The following CADM2 variants were observed in gnomAD, a reference collection of about 807,000 sequenced individuals.
The protein encoded by CADM2 is cell adhesion molecule 2.
Under a neutral mutation model 49.8 loss-of-function variants are expected in CADM2, and 12 were observed. The ratio of observed to expected loss-of-function variants is 0.24; its 90% CI spans 0.15 to 0.39. CADM2 has a LOEUF of 0.39. CADM2 is among the 10% of genes least tolerant of loss of function. CADM2 has a pLI of 1.00. For synonymous variants in CADM2, 214 were observed against 175.4 expected, an observed-to-expected ratio of 1.22 and a Z score of -1.74; for missense variants, 378 against 492.3, an observed-to-expected ratio of 0.77 and a Z score of 2.20.
intron 1 of CADM2, among the ~76,000 whole-genome samples, chr3:85,473,711 T>C (rs2038862498): frequency 6.6e-6 from 1 of 152,104 alleles, no homozygotes; most frequent in Non-Finnish European, 1.5e-5. Context: ...TGAAGAACTT[T>C]GTGTTATAAT....
intron 1 of CADM2, among the ~76,000 whole-genome samples, chr3:85,001,858 CCTT>C (rs1386003678): frequency 3.3e-5 from 5 of 151,928 alleles, no homozygotes; most frequent in South Asian, 2.1e-4. Context: ...TAATCCCACT[CCTT>C]CTTCAGCGAA....
chr3:85,685,110 G>A (rs1295055864), intron 1 of CADM2, among the ~76,000 whole-genome samples: 1 of 152,088 alleles, frequency 6.6e-6, no homozygotes, highest in Non-Finnish European at 1.5e-5. Flanking sequence ...AAATTATCCG[G>A]GCTTGGTGGT....
intron 1 of CADM2, among the ~76,000 whole-genome samples, chr3:85,265,386 G>C (rs72917191): frequency 0.066 from 10,070 of 151,894 alleles, 1,099 homozygotes; most frequent in African/African-American, 0.23. Context: ...TTTGGCTTAT[G>C]GTTCTAGAGG....
intron 1 of CADM2, among the ~76,000 whole-genome samples, chr3:85,535,088 T>C (rs2061396711): frequency 6.6e-6 from 1 of 152,208 alleles, no homozygotes; most frequent in South Asian, 2.1e-4. Context: ...TAATTTGAGT[T>C]CATTTTGTAT....
chr3:85,469,785 C>G (rs57016540), intron 1 of CADM2, among the ~76,000 whole-genome samples: 30,211 of 152,098 alleles, frequency 0.2, 3,803 homozygotes, highest in East Asian at 0.3. Flanking sequence ...ATGTTAACTC[C>G]AAGTGTTAAC....
At chr3:85,500,182 A>G (rs1318514371) in intron 1 of CADM2, among the ~76,000 whole-genome samples, 2 of 152,168 alleles carry the variant, frequency 1.3e-5, no homozygotes, top group Non-Finnish European at 2.9e-5. Context: ...ATTCTGTGAA[A>G]GGTTTGGTGA....
intron 1 of CADM2, among the ~76,000 whole-genome samples, chr3:85,297,985 A>T (rs1226743308): frequency 7.2e-5 from 11 of 152,054 alleles, no homozygotes; most frequent in African/African-American, 2.2e-4. Flanking sequence ...TTCATAAAAG[A>T]TGAAGGTGGG....
chr3:85,316,442 A>T (rs183641130), intron 1 of CADM2, among the ~76,000 whole-genome samples: 1 of 152,272 alleles, frequency 6.6e-6, no homozygotes, highest in Admixed American at 6.5e-5. Flanking sequence ...GTCTGTCAGT[A>T]ACAAATATTT....
intron 1 of CADM2, among the ~76,000 whole-genome samples, chr3:85,113,717 A>C (rs1399448636): frequency 7.2e-6 from 1 of 138,036 alleles, no homozygotes; most frequent in Non-Finnish European, 1.5e-5. Context: ...AGGCAATCCT[A>C]CTTATCAGGG....
chr3:85,458,589 C>T (rs572996413), intron 1 of CADM2, among the ~76,000 whole-genome samples: 3 of 152,126 alleles, frequency 2.0e-5, no homozygotes, highest in Non-Finnish European at 4.4e-5. Context: ...TTGATTTCTC[C>T]TCTCATTGCC....
chr3:85,054,590 G>A (rs1458554121), intron 1 of CADM2, among the ~76,000 whole-genome samples: 3 of 151,856 alleles, frequency 2.0e-5, no homozygotes, highest in Admixed American at 2.0e-4. Context: ...CAGTTATGAG[G>A]TTATTAAAAT....
At chr3:85,467,592 TAAA>T (rs1251103887) in intron 1 of CADM2, among the ~76,000 whole-genome samples, 1 of 151,042 alleles carries the variant, frequency 6.6e-6, no homozygotes, top group African/African-American at 2.5e-5. Flanking sequence ...CTACAGGACA[TAAA>T]AATTAAAAGG....
intron 3 of CADM2, among the ~76,000 whole-genome samples, chr3:85,867,773 A>G (rs758111300): frequency 1.1e-4 from 17 of 152,082 alleles, no homozygotes; most frequent in Non-Finnish European, 2.2e-4. Flanking sequence ...TTGGTATCTG[A>G]TCTTGAATAG....
At chr3:85,434,797 T>C (rs1241553079) in intron 1 of CADM2, among the ~76,000 whole-genome samples, 2 of 152,080 alleles carry the variant, frequency 1.3e-5, no homozygotes, top group Admixed American at 1.3e-4. Flanking sequence ...GATTCCTCAG[T>C]TCGTAAGTTA....
intron 3 of CADM2, among the ~76,000 whole-genome samples, chr3:85,874,946 G>A (rs1360790113): frequency 6.6e-6 from 1 of 152,128 alleles, no homozygotes; most frequent in Non-Finnish European, 1.5e-5. Context: ...ATACTAGGGT[G>A]TAAAAACTGA....
At chr3:85,283,726 G>A (rs1458034767) in intron 1 of CADM2, among the ~76,000 whole-genome samples, 5 of 152,092 alleles carry the variant, frequency 3.3e-5, no homozygotes, top group Admixed American at 3.3e-4. Context: ...CTTCAAAGAT[G>A]TTTAGAAAAT....
chr3:84,968,841 T>C (rs2031205776), intron 1 of CADM2, among the ~76,000 whole-genome samples: 1 of 152,104 alleles, frequency 6.6e-6, no homozygotes, highest in African/African-American at 2.4e-5. Flanking sequence ...TGTGAGGCTG[T>C]AGATATTTAA....
chr3:85,704,074 C>A lies in CADM2; in HGVS notation c.62-22448C>A, dbSNP rs568163166. On this transcript the variant is annotated intron_variant, in intron 1 of 9. Coordinates refer to ENST00000383699, the MANE Select transcript of CADM2 (RefSeq NM_001167675.2). Reference sequence around the variant, plus strand: ...CCAGAATATCCACTCATCAAAACTGCACCTTAGATGACTCAATACTGTTCT... The same window carrying A: ...CCAGAATATCCACTCATCAAAACTGAACCTTAGATGACTCAATACTGTTCT... Among the ~76,000 whole-genome samples, 4 of 152,312 alleles carry A rather than the reference C, an allele frequency of 2.6e-5. No individual in the cohort carries two copies. The East Asian group carries it at 7.7e-4, about 29-fold the overall frequency.
intron 8 of CADM2, among the ~76,000 whole-genome samples, chr3:85,962,909 T>C (rs1215644876): frequency 6.6e-6 from 1 of 151,960 alleles, no homozygotes; most frequent in African/African-American, 2.4e-5. Flanking sequence ...TTGATATCTT[T>C]CCCTTGAATG....
Sources: gnomAD v4.1 joint callset for allele counts (sites outside exome capture counted in the v4.1 genomes callset) on GRCh38, gnomAD v4.1.1 for gene constraint, MANE v1.5 for transcripts, NCBI Gene and HGNC (gene_info 2026-07-23, HGNC 2026-07-21) for gene names.